Variants in SORBS2 observed in about 807,000 individuals in gnomAD.
SORBS2 encodes the protein sorbin and SH3 domain containing 2, also known as sorbin and SH3 domain-containing protein 2.
A neutral mutation model predicts 97.7 loss-of-function variants in SORBS2; 46 were observed. That is an observed-to-expected ratio of 0.47 (90% CI 0.37 to 0.60). The LOEUF (loss-of-function observed/expected upper bound fraction) is 0.60. Among genes scored for constraint, SORBS2 ranks in the 20% least tolerant of loss-of-function variants. The probability of loss-of-function intolerance (pLI) is 0.00; values close to 1 mark genes in which losing one functional copy is unlikely to be tolerated. For synonymous variants in SORBS2, 476 were observed against 473.4 expected (o/e 1.01, Z -0.07); for missense variants, 1,316 against 1,282.3 (o/e 1.03, Z -0.40).
At chr4:185,879,008 T>A (rs1380632927) in intron 1 of SORBS2, among the ~76,000 whole-genome samples, 1 of 151,568 alleles carries the variant, frequency 6.6e-6, no homozygotes, top group African/African-American at 2.4e-5. Flanking sequence ...GCTTTGTTTT[T>A]GTTTGTTTGT....
intron 1 of SORBS2, among the ~76,000 whole-genome samples, chr4:185,938,701 G>A (rs1182225336): frequency 6.7e-6 from 1 of 149,780 alleles, no homozygotes; most frequent in Non-Finnish European, 1.5e-5. Context: ...CCAACCCTAT[G>A]AGTTTCCCGC....
chr4:185,651,144 G>A (rs1034938139), intron 2 of SORBS2, among the ~76,000 whole-genome samples: 37 of 152,156 alleles, frequency 2.4e-4, no homozygotes, highest in African/African-American at 8.2e-4. Flanking sequence ...GCAGAATCCC[G>A]AGGCAACACT....
chr4:185,638,842 G>T lies in SORBS2; in HGVS notation c.396+7826C>A, dbSNP rs763501381. On this transcript the variant is annotated intron_variant, in intron 4 of 14. Transcript: ENST00000418609. ...CAAGGGCTGCACCTGCACCTCTGCC[G>T]GGCATGAAGAAAGGTAAGGAAGGAA... The T allele has an allele frequency of 2.1e-6, 3 of 1,421,846 alleles. No homozygotes were observed. The African/African-American group carries it at 4.5e-5, about 21-fold the overall frequency. 88.1% of individuals were successfully genotyped at this position (1,421,846 alleles called of 1,614,324 possible).
chr4:185,883,702 A>C (rs1416548931), intron 1 of SORBS2, among the ~76,000 whole-genome samples: 1 of 152,228 alleles, frequency 6.6e-6, no homozygotes, highest in Non-Finnish European at 1.5e-5. Context: ...AACAAATTAA[A>C]TTATCCGGGT....
intron 2 of SORBS2, among the ~76,000 whole-genome samples, chr4:185,728,168 A>T (rs1368672718): frequency 1.3e-5 from 2 of 152,068 alleles, no homozygotes; most frequent in African/African-American, 4.8e-5. Context: ...CCCTTCCATT[A>T]TGGAGCCTGG....
chr4:185,725,777 T>C (rs903997796), intron 2 of SORBS2, among the ~76,000 whole-genome samples: 2 of 152,222 alleles, frequency 1.3e-5, no homozygotes, highest in Non-Finnish European at 2.9e-5. Context: ...CCCCCTAATA[T>C]TGATCTCTCT....
chr4:185,709,304 C>CCTTTTCTTTTTTTTTTTTTTTTTT (rs1554199361), intron 2 of SORBS2, among the ~76,000 whole-genome samples: 1 of 96,804 alleles, frequency 1.0e-5, no homozygotes, highest in Non-Finnish European at 2.0e-5. Context: ...CTGGCCAAAT[C>CCTTTTCTTTTTTTTTTTTTTTTTT]TTTTTTTTTT....
At chr4:185,948,055 T>C (rs779287947) in intron 1 of SORBS2, among the ~76,000 whole-genome samples, 12 of 152,176 alleles carry the variant, frequency 7.9e-5, no homozygotes, top group Non-Finnish European at 1.6e-4. Flanking sequence ...TTTGTTGTTG[T>C]TGTTGTTTTC....
chr4:185,716,178 G>A (rs2030141), intron 2 of SORBS2, among the ~76,000 whole-genome samples: 84,059 of 152,106 alleles, frequency 0.55, 23,538 homozygotes, highest in Non-Finnish European at 0.59. Flanking sequence ...AGAGATGGGC[G>A]TGGTCTCCCG....
intron 1 of SORBS2, among the ~76,000 whole-genome samples, chr4:185,808,542 C>T (rs138152216): frequency 4.6e-5 from 7 of 152,290 alleles, no homozygotes; most frequent in Non-Finnish European, 1.0e-4. Flanking sequence ...TAGGAAGTCT[C>T]TGTAAACAAA....
At chr4:185,759,668 A>G (rs1435177143) in intron 2 of SORBS2, among the ~76,000 whole-genome samples, 1 of 151,806 alleles carries the variant, frequency 6.6e-6, no homozygotes, top group Non-Finnish European at 1.5e-5. Context: ...GAATAATTTG[A>G]TGATATTAAG....
intron 1 of SORBS2, among the ~76,000 whole-genome samples, chr4:185,804,565 T>C (rs975260937): frequency 2.0e-5 from 3 of 152,260 alleles, no homozygotes; most frequent in Admixed American, 6.5e-5. Context: ...GAAATTCCAA[T>C]GTAAACGTCC....
chr4:185,684,939 T>C lies in SORBS2; in HGVS notation c.-197-6117A>G. 2 of 910,244 alleles carry C rather than the reference T, an allele frequency of 2.2e-6. No homozygotes were observed. Among genetic ancestry groups the C allele is most frequent in the East Asian group, 2.7e-5 (1 of 37,640 alleles). 56.4% of individuals were successfully genotyped at this position (910,244 alleles called of 1,614,324 possible). Reference sequence around the variant, plus strand: ...TTAAGAGAAATGTGCCAGACATCCATGAGAAAGATGAACAGTTAGAATTAG... The same window carrying C: ...TTAAGAGAAATGTGCCAGACATCCACGAGAAAGATGAACAGTTAGAATTAG... On this transcript the variant is annotated intron_variant, in intron 2 of 20. Transcript: ENST00000284776. This position sits in a 1 kb window ranked among gnomAD's most constrained non-coding sequence, Gnocchi z 4.2.
intron 2 of SORBS2, among the ~76,000 whole-genome samples, chr4:185,758,831 AC>A (rs1405135001): frequency 3.3e-5 from 5 of 152,200 alleles, no homozygotes. Flanking sequence ...CAGATGGGTA[AC>A]CCTATGGGCA....
At chr4:185,897,523 A>ATT (rs2099245628) in intron 1 of SORBS2, among the ~76,000 whole-genome samples, 1 of 152,320 alleles carries the variant, frequency 6.6e-6, no homozygotes, top group South Asian at 2.1e-4. Context: ...CTATGTACAC[A>ATT]TTAAGAAAAT....
chr4:185,735,337 C>T (rs2098676526), intron 2 of SORBS2, among the ~76,000 whole-genome samples: 1 of 151,254 alleles, frequency 6.6e-6, no homozygotes, highest in Non-Finnish European at 1.5e-5. Context: ...GCTAGGAGGA[C>T]ATCCTAGGAG....
At chr4:185,909,350 C>T (rs560401903) in intron 1 of SORBS2, among the ~76,000 whole-genome samples, 12 of 152,050 alleles carry the variant, frequency 7.9e-5, no homozygotes, top group African/African-American at 2.4e-4. Context: ...TAAGCATAGA[C>T]GTAGAATGAC....
At chr4:185,755,424 T>G (rs2098824679) in intron 2 of SORBS2, among the ~76,000 whole-genome samples, 1 of 152,210 alleles carries the variant, frequency 6.6e-6, no homozygotes, top group South Asian at 2.1e-4. Context: ...TTAAACTATT[T>G]GGAGGTAAAA....
chr4:185,720,968 T>A (rs1279992389), intron 2 of SORBS2, among the ~76,000 whole-genome samples: 2 of 152,068 alleles, frequency 1.3e-5, no homozygotes, highest in African/African-American at 4.8e-5. Context: ...GCATTGGGAA[T>A]GATACTAAAG....
Sources: allele counts gnomAD v4.1 joint callset (sites outside exome capture counted in the v4.1 genomes callset), GRCh38; gene constraint gnomAD v4.1.1; non-coding constraint Gnocchi (gnomAD v3.1); transcripts MANE v1.5; gene names NCBI Gene and HGNC (gene_info 2026-07-23, HGNC 2026-07-21).